Variants in ZNF496 observed in about 807,000 individuals in gnomAD.
The protein encoded by ZNF496 is NSD1 (nuclear receptor binding SET-domain containing 1)-interacting zinc finger protein 1.
In ZNF496, 11 loss-of-function variants were observed where a neutral mutation model predicts 58.9. That is an observed-to-expected ratio of 0.19 (90% CI 0.12 to 0.31). The LOEUF is 0.31. Among genes scored for constraint, ZNF496 ranks in the 10% least tolerant of loss-of-function variants. ZNF496 has a pLI of 1.00. For missense variants in ZNF496, 660 were observed against 783.0 expected, an observed-to-expected ratio of 0.84 and a Z score of 1.88; for synonymous variants, 338 against 318.2, an observed-to-expected ratio of 1.06 and a Z score of -0.66.
rs1376027026 is a variant in ZNF496, at chr1:247,309,403, C to T, written c.892+296G>A. Reference sequence around the variant, plus strand: ...GTATCTGACTTCACTCCTGGAGGGGCTGCTGCATTGTCAGCACAAACCAGA... The same window carrying T: ...GTATCTGACTTCACTCCTGGAGGGGTTGCTGCATTGTCAGCACAAACCAGA... On this transcript the variant is annotated intron_variant, in intron 8 of 9. Coordinates refer to ENST00000682384, the MANE Select transcript of ZNF496 (RefSeq NM_032752.3). This position sits in a 1 kb window ranked among gnomAD's most constrained non-coding sequence, Gnocchi z 4.3. The T allele has an allele frequency of 1.6e-6, 2 of 1,225,316 alleles. No individual in the cohort carries two copies. The highest frequency in any genetic ancestry group is 1.5e-5 in the African/African-American group (1 of 64,758). 75.9% of individuals were successfully genotyped at this position (1,225,316 alleles called of 1,614,324 possible). A position where few individuals can be genotyped will look rare whatever the true frequency, so the allele number is the denominator to read the frequency against.
At chr1:247,326,940 A>G (rs1660147300) in intron 5 of ZNF496, among the ~76,000 whole-genome samples, 1 of 152,148 alleles carries the variant, frequency 6.6e-6, no homozygotes, top group African/African-American at 2.4e-5. Flanking sequence ...CCCTGAAAGA[A>G]AACCGCCCGT....
chr1:247,310,553 G>A (rs1216100943), intron 6 of ZNF496, 97 bp from the exon 7 acceptor site: 18 of 1,482,336 alleles, frequency 1.2e-5, no homozygotes, highest in East Asian at 2.3e-5. Context: ...GCTGTAGGAC[G>A]GGCAGTTTCT....
chr1:247,309,822 G>T lies in ZNF496; in HGVS notation c.785-16C>A, dbSNP rs370335461. 4 of 1,613,556 alleles carry T rather than the reference G, an allele frequency of 2.5e-6. No homozygotes were observed. The African/African-American group carries it at 5.3e-5, about 22-fold the overall frequency. Reference sequence around the variant, plus strand: ...GCTAGGTCGTCTGTTCAAAGAAAAAGGCAGGGTACATGTTTATTAGTAATC... The same window carrying T: ...GCTAGGTCGTCTGTTCAAAGAAAAATGCAGGGTACATGTTTATTAGTAATC... On this transcript the variant is annotated splice_polypyrimidine_tract_variant and intron_variant, in intron 7 of 9. Coordinates refer to ENST00000682384, the MANE Select transcript of ZNF496 (RefSeq NM_032752.3). This position sits in a 1 kb window ranked among gnomAD's most constrained non-coding sequence, Gnocchi z 4.3.
rs1218846786 is a variant in ZNF496, at chr1:247,307,208, G to T, written c.1006+1267C>A. On this transcript the variant is annotated intron_variant, in intron 9 of 9. Coordinates refer to ENST00000682384, the MANE Select transcript of ZNF496 (RefSeq NM_032752.3). ...TATCACCAGCTATCCGGCATCAGCT[G>T]GCGGGAAAAGCCTTTTAGGAAGGCA... The T allele has an allele frequency of 3.0e-6, 3 of 985,320 alleles. No individual in the cohort carries two copies. In the East Asian group the frequency reaches 3.4e-4, roughly 112 times the overall value. 61.0% of individuals were successfully genotyped at this position (985,320 alleles called of 1,614,324 possible).
chr1:247,326,530 C>A (rs1175205997), intron 5 of ZNF496, among the ~76,000 whole-genome samples: 1 of 152,140 alleles, frequency 6.6e-6, no homozygotes, highest in Non-Finnish European at 1.5e-5. Flanking sequence ...CACCTGCATG[C>A]CTTCCCAGAC....
Position 247,309,386 on chromosome 1 carries a change from C to A in ZNF496, c.892+313G>T. 8.5e-6 allele frequency: 10 copies of A among 1,181,388 alleles called. No homozygotes were observed. The highest frequency in any genetic ancestry group is 1.1e-5 in the Non-Finnish European group (10 of 950,404). The allele number at this position is 1,181,388 out of a possible 1,614,324, so 73.2% of individuals were successfully genotyped here. The stretch of plus-strand genomic sequence containing the variant: ...AACTAGGCTTGTCATGAGTATCTGA[C>A]TTCACTCCTGGAGGGGCTGCTGCAT... On this transcript the variant is annotated intron_variant, in intron 8 of 9. Coordinates refer to ENST00000682384, the MANE Select transcript of ZNF496 (RefSeq NM_032752.3). The surrounding 1 kb of genome is among the most constrained non-coding windows in gnomAD (Gnocchi z 4.3).
rs1189799893 is a variant in ZNF496 at position 247,308,556 on chromosome 1, C to G, written c.925G>C (p.Glu309Gln). ...TGCAGCTCCTCACGTTTCCTTCTTT[C>G]TTCTACCTGGAATGGCTGGAGACTT... ...SPSLQPFQVE[E>Q]RRKREELQVP... The change falls in exon 9 of 10, where the codon GAA becomes CAA. Residue 309 changes from glutamate to glutamine, a missense_variant. Glu to Gln is a conservative substitution (Grantham distance 29). Coordinates refer to ENST00000682384, the MANE Select transcript of ZNF496 (RefSeq NM_032752.3). This position sits in a 1 kb window ranked among gnomAD's most constrained non-coding sequence, Gnocchi z 4.5. The G allele has an allele frequency of 1.2e-6, 2 of 1,614,148 alleles. No homozygotes were observed. The highest frequency in any genetic ancestry group is 2.2e-5 in the South Asian group (2 of 91,086).
At chr1:247,306,079 G>T (rs1487842141) in intron 9 of ZNF496, among the ~76,000 whole-genome samples, 6 of 152,162 alleles carry the variant, frequency 3.9e-5, no homozygotes, top group South Asian at 2.1e-4. Context: ...CTTGGATTTG[G>T]TATTTAGAAG....
In ZNF496 at chr1:247,317,050, A is replaced by G. The variant is rs1369119189; in HGVS notation, c.651+6104T>C. 2.6e-5 allele frequency among the ~76,000 whole-genome samples: 4 copies of G among 152,120 alleles called. No individual in the cohort carries two copies. In the East Asian group the frequency reaches 7.7e-4, roughly 29 times the overall value. ...TTTTGTTAATTTTTCACGAGAAGGGATGGGCAAGATAGATAAACATGTCTA... is the reference window on the plus strand; with the variant it reads ...TTTTGTTAATTTTTCACGAGAAGGGGTGGGCAAGATAGATAAACATGTCTA... On this transcript the variant is annotated intron_variant, in intron 6 of 9. Transcript: ENST00000682384.
Position 247,309,888 on chromosome 1 carries a change from C to A in ZNF496, c.785-82G>T, listed in dbSNP as rs555102215. 2.0e-6 allele frequency: 3 copies of A among 1,511,632 alleles called. No homozygotes were observed. Among genetic ancestry groups the A allele is most frequent in the South Asian group, 2.4e-5 (2 of 84,012 alleles). The allele number at this position is 1,511,632 out of a possible 1,614,324, so 93.6% of individuals were successfully genotyped here. A position where few individuals can be genotyped will look rare whatever the true frequency, so the allele number is the denominator to read the frequency against. ...CAGGGCTGGTCCAGAAGAGAGAAGG[C>A]GGAGGGATGCCCAGCGGGCATGGCA... On this transcript the variant is annotated intron_variant, in intron 7 of 9. Coordinates refer to ENST00000682384, the MANE Select transcript of ZNF496 (RefSeq NM_032752.3). The surrounding 1 kb of genome is among the most constrained non-coding windows in gnomAD (Gnocchi z 4.3).
In ZNF496 at chr1:247,316,135, G is replaced by GGGGTGT. The variant is rs531854783; in HGVS notation, c.652-5680_652-5679insACACCC. Among the ~76,000 whole-genome samples the GGGGTGT allele has an allele frequency of 5.0e-4, 70 of 139,926 alleles. No homozygotes were observed. In the East Asian group the frequency reaches 0.01, roughly 20 times the overall value. 91.8% of individuals were successfully genotyped at this position (139,926 alleles called of 152,430 possible). A position where few individuals can be genotyped will look rare whatever the true frequency, so the allele number is the denominator to read the frequency against. Reference sequence around the variant, plus strand: ...CTCTGACACGACTTCCTGGGAGAGGGGTGTGTGTGTGTGTGTGTGTGTGTG... The same window carrying GGGGTGT: ...CTCTGACACGACTTCCTGGGAGAGGGGGGTGTGTGTGTGTGTGTGTGTGTGTGTGTG... On this transcript the variant is annotated intron_variant, in intron 6 of 9. Transcript: ENST00000682384.
In ZNF496 at chr1:247,308,026, T is replaced by C. The variant is rs1659471273; in HGVS notation, c.1006+449A>G. ...TCTGTGCCAGGATGCTGGCCATCCATGCTGAGAGAAGAAAAACACTCACTG... is the reference window on the plus strand; with the variant it reads ...TCTGTGCCAGGATGCTGGCCATCCACGCTGAGAGAAGAAAAACACTCACTG... On this transcript the variant is annotated intron_variant, in intron 9 of 9. Transcript: ENST00000682384. This position sits in a 1 kb window ranked among gnomAD's most constrained non-coding sequence, Gnocchi z 4.5. 6 of 985,254 alleles carry C rather than the reference T, an allele frequency of 6.1e-6. No homozygotes were observed. In the South Asian group the frequency reaches 2.3e-4, roughly 39 times the overall value. 61.0% of individuals were successfully genotyped at this position (985,254 alleles called of 1,614,324 possible). A position where few individuals can be genotyped will look rare whatever the true frequency, so the allele number is the denominator to read the frequency against.
rs1659212248 is a variant in ZNF496 at position 247,300,771 on chromosome 1, G to A, written c.1512C>T (p.Asp504=). ...GCGGCTCTTTGGGACCCTTGTCCGC[G>A]TCCTCGGATGCCGCCTGCTCTCTCT... ...VEKREQAASE[D]ADKGPKEPLE... Residue 504 remains aspartate (D), a synonymous_variant, in exon 10 of 10, where the codon GAC becomes GAT. Coordinates refer to ENST00000682384, the MANE Select transcript of ZNF496 (RefSeq NM_032752.3). The surrounding 1 kb of genome is among the most constrained non-coding windows in gnomAD (Gnocchi z 5.7). 6.2e-7 allele frequency: 1 copy of A among 1,604,680 alleles called. No individual in the cohort carries two copies. Among genetic ancestry groups the A allele is most frequent in the Non-Finnish European group, 8.5e-7 (1 of 1,173,312 alleles).
intron 6 of ZNF496, among the ~76,000 whole-genome samples, chr1:247,318,559 C>T (rs1659858857): frequency 6.6e-6 from 1 of 152,038 alleles, no homozygotes; most frequent in Non-Finnish European, 1.5e-5. Context: ...CATCAAAAGC[C>T]ATGGAGGCCA....
At chr1:247,326,834 C>A (rs1041845178) in intron 5 of ZNF496, among the ~76,000 whole-genome samples, 14 of 152,250 alleles carry the variant, frequency 9.2e-5, no homozygotes, top group African/African-American at 3.1e-4. Context: ...CAGACACACA[C>A]AAAGGAAAGA....
At chr1:247,316,222 T>C (rs545459844) in intron 6 of ZNF496, among the ~76,000 whole-genome samples, 4 of 74,428 alleles carry the variant, frequency 5.4e-5, no homozygotes, top group East Asian at 6.8e-4. Context: ...TGCGCGTGTG[T>C]GTGTGTGTGT....
chr1:247,307,159 GC>G, intron 9 of ZNF496: 1 of 985,446 alleles, frequency 1.0e-6, no homozygotes, highest in Non-Finnish European at 1.2e-6. Flanking sequence ...TCCTGCGTGG[GC>G]ATGGATATAG....
At chr1:247,323,880 C>G (rs1660035322) in intron 5 of ZNF496, among the ~76,000 whole-genome samples, 1 of 151,556 alleles carries the variant, frequency 6.6e-6, no homozygotes, top group Non-Finnish European at 1.5e-5. Flanking sequence ...TTTGGGAAGC[C>G]AAAGTGGGAG....
Position 247,328,850 on chromosome 1 carries a change from T to A in ZNF496, c.407A>T (p.Asp136Val). 1 of 1,600,320 alleles carries A rather than the reference T, an allele frequency of 6.2e-7. No homozygotes were observed. Among genetic ancestry groups the A allele is most frequent in the Non-Finnish European group, 8.5e-7 (1 of 1,173,886 alleles). ...GTCCCCATCATCAATCACCACAGGG[T>A]CTTCACAGTGCTTGAGCTGCAATCC... Reference protein sequence around the residue: ...RPWQWLKHCEDPVVIDDGDSP... With the variant: ...RPWQWLKHCEVPVVIDDGDSP... The change falls in exon 5 of 10, where the codon GAC (aspartate) becomes GTC (valine). Residue 136 changes from aspartate to valine, a missense_variant. Asp to Val is a radical substitution (Grantham distance 152). Coordinates refer to ENST00000682384, the MANE Select transcript of ZNF496 (RefSeq NM_032752.3).
Sources: gnomAD v4.1 joint callset for allele counts (sites outside exome capture counted in the v4.1 genomes callset) on GRCh38, gnomAD v4.1.1 for gene constraint, Gnocchi (gnomAD v3.1) non-coding constraint, MANE v1.5 for transcripts, NCBI Gene and HGNC (gene_info 2026-07-23, HGNC 2026-07-21) for gene names.